Variants in PSD3 observed in about 807,000 individuals in gnomAD.
PSD3 encodes the protein pleckstrin and Sec7 domain containing 3, also known as PH and SEC7 domain-containing protein 3.
Under a neutral mutation model 105.5 loss-of-function variants are expected in PSD3, and 49 were observed. That is an observed-to-expected ratio of 0.46 (90% CI 0.37 to 0.59). PSD3 has a LOEUF of 0.59. Ranked by LOEUF, PSD3 falls within the 20% of genes least tolerant of loss-of-function variation. The pLI is 0.00. For synonymous variants in PSD3, 557 were observed against 457.8 expected (o/e 1.22, Z -2.77); for missense variants, 1,561 against 1,263.8 (o/e 1.24, Z -3.57).
At chr8:18,777,307 C>T (rs1427916979) in intron 8 of PSD3, among the ~76,000 whole-genome samples, 1 of 152,202 alleles carries the variant, frequency 6.6e-6, no homozygotes, top group East Asian at 1.9e-4. Flanking sequence ...TCCCAAAGTG[C>T]TGGGATTACA....
At chr8:18,698,008 T>A (rs575102606) in intron 9 of PSD3, among the ~76,000 whole-genome samples, 1 of 152,302 alleles carries the variant, frequency 6.6e-6, no homozygotes, top group South Asian at 2.1e-4. Context: ...GAATATTATA[T>A]GTCAAAAGAG....
At position 18,694,793 on chromosome 8, in the gene PSD3, G is replaced by A. The variant is rs577257650; in HGVS notation, c.2173-39108C>T. Reference sequence around the variant, plus strand: ...GAGCTCAGGAGCTCAAGACCAGCCTGGGCAACATAGTGAAACCCTATCTCC... The same window carrying A: ...GAGCTCAGGAGCTCAAGACCAGCCTAGGCAACATAGTGAAACCCTATCTCC... On this transcript the variant is annotated intron_variant, in intron 9 of 15. Coordinates refer to ENST00000327040, the MANE Select transcript of PSD3 (RefSeq NM_015310.4). Among the ~76,000 whole-genome samples the A allele has an allele frequency of 1.1e-4, 17 of 150,508 alleles. No individual in the cohort carries two copies. The East Asian group carries it at 3.3e-3, about 29-fold the overall frequency.
At chr8:18,630,606 A>G (rs973034463) in intron 11 of PSD3, among the ~76,000 whole-genome samples, 1 of 151,974 alleles carries the variant, frequency 6.6e-6, no homozygotes, top group Non-Finnish European at 1.5e-5. Context: ...AATACTCCGA[A>G]TAAGTGATAG....
chr8:18,672,869 T>G (rs1295953422), intron 9 of PSD3, among the ~76,000 whole-genome samples: 2 of 152,184 alleles, frequency 1.3e-5, no homozygotes, highest in Non-Finnish European at 2.9e-5. Flanking sequence ...TGGCATTTGT[T>G]AAACCCAAAG....
rs1445470179 is a variant in PSD3, at chr8:19,004,941, G to T, written c.21+8622C>A. Among the ~76,000 whole-genome samples, 4 of 152,028 alleles carry T rather than the reference G, an allele frequency of 2.6e-5. 1 individual carries two copies. The highest frequency in any genetic ancestry group is 5.9e-5 in the Non-Finnish European group (4 of 67,976). Reference sequence around the variant, plus strand: ...CCACCATGATTGTGAGGCCTCCCCAGCCATGTGGAACTGTAATTCCATTAA... The same window carrying T: ...CCACCATGATTGTGAGGCCTCCCCATCCATGTGGAACTGTAATTCCATTAA... On this transcript the variant is annotated intron_variant, in intron 1 of 15. Coordinates refer to ENST00000327040, the MANE Select transcript of PSD3 (RefSeq NM_015310.4).
chr8:18,771,417 A>G (rs1306812800), intron 8 of PSD3, among the ~76,000 whole-genome samples: 1 of 152,202 alleles, frequency 6.6e-6, no homozygotes, highest in Non-Finnish European at 1.5e-5. Context: ...TTTATATCTA[A>G]GAAATCATTG....
At chr8:18,599,855 C>T (rs574160679) in intron 12 of PSD3, among the ~76,000 whole-genome samples, 1 of 152,226 alleles carries the variant, frequency 6.6e-6, no homozygotes, top group South Asian at 2.1e-4. Context: ...TGACGGTATA[C>T]TATGTTTTCT....
chr8:18,990,435 T>C (rs77476233), intron 1 of PSD3, among the ~76,000 whole-genome samples: 6 of 152,334 alleles, frequency 3.9e-5, no homozygotes, highest in African/African-American at 1.4e-4. Context: ...ATGGCCATTG[T>C]GCTTGATATT....
chr8:18,797,671 T>C (rs1011635499), intron 8 of PSD3, among the ~76,000 whole-genome samples: 1 of 152,202 alleles, frequency 6.6e-6, no homozygotes, highest in African/African-American at 2.4e-5. Flanking sequence ...AAAGCTATAT[T>C]AGCTTTTTAA....
chr8:18,701,411 T>C (rs1189446294), intron 9 of PSD3, among the ~76,000 whole-genome samples: 4 of 152,232 alleles, frequency 2.6e-5, no homozygotes, highest in Non-Finnish European at 5.9e-5. Flanking sequence ...TAAACTCATA[T>C]ACAGTAACCT....
rs543666355 is a variant in PSD3 at position 18,676,325 on chromosome 8, C to T, written c.2173-20640G>A. On this transcript the variant is annotated intron_variant, in intron 9 of 15. Transcript: ENST00000327040. ...AATGGAGGGGAGCAAGAATGCAGTA[C>T]GACCTTGGGAGTTAGAGATGACACA... is the stretch of plus-strand genomic sequence containing the variant. 7.2e-5 allele frequency among the ~76,000 whole-genome samples: 11 copies of T among 152,254 alleles called. No individual in the cohort carries two copies. The South Asian group carries it at 1.0e-3, about 14-fold the overall frequency.
chr8:18,742,425 T>A (rs952927946), intron 9 of PSD3, among the ~76,000 whole-genome samples: 5 of 152,144 alleles, frequency 3.3e-5, no homozygotes, highest in Admixed American at 6.5e-5. Context: ...GACACAGGCA[T>A]CAAACCAAGC....
chr8:18,749,081 T>C (rs954015145), intron 9 of PSD3, among the ~76,000 whole-genome samples: 4 of 152,266 alleles, frequency 2.6e-5, no homozygotes, highest in Admixed American at 1.3e-4. Flanking sequence ...ATAATGATTC[T>C]GCATGCTACG....
intron 1 of PSD3, among the ~76,000 whole-genome samples, chr8:18,975,673 G>T (rs1182057506): frequency 1.3e-5 from 2 of 152,148 alleles, no homozygotes; most frequent in Non-Finnish European, 2.9e-5. Context: ...TGTTGGGAAG[G>T]TTCATTCCAC....
chr8:19,049,946 T>C (rs1038655328), intron 1 of PSD3, among the ~76,000 whole-genome samples: 1 of 152,140 alleles, frequency 6.6e-6, no homozygotes, highest in African/African-American at 2.4e-5. Flanking sequence ...AGGGAAGGAA[T>C]GGAGCAATTA....
At chr8:18,560,434 A>C (rs1252619810) in intron 14 of PSD3, among the ~76,000 whole-genome samples, 1 of 152,178 alleles carries the variant, frequency 6.6e-6, no homozygotes, top group African/African-American at 2.4e-5. Context: ...TTAGAAGACA[A>C]TACTAGCAAA....
chr8:19,044,202 G>C (rs1828234165), intron 1 of PSD3, among the ~76,000 whole-genome samples: 1 of 152,176 alleles, frequency 6.6e-6, no homozygotes. Flanking sequence ...CACTTTCATT[G>C]ATTGTTCTCT....
intron 10 of PSD3, among the ~76,000 whole-genome samples, chr8:18,644,689 C>A (rs1398331212): frequency 1.3e-5 from 2 of 152,172 alleles, no homozygotes; most frequent in South Asian, 4.1e-4. Context: ...CTTTTTCTAG[C>A]ATTCACTTCA....
At chr8:18,919,111 G>C (rs1334236134) in intron 2 of PSD3, among the ~76,000 whole-genome samples, 1 of 151,964 alleles carries the variant, frequency 6.6e-6, no homozygotes, top group Non-Finnish European at 1.5e-5. Context: ...CTGCAAATAT[G>C]CTCAGTTTCT....
Sources: allele counts gnomAD v4.1 joint callset (sites outside exome capture counted in the v4.1 genomes callset), GRCh38; gene constraint gnomAD v4.1.1; transcripts MANE v1.5; gene names NCBI Gene and HGNC (gene_info 2026-07-23, HGNC 2026-07-21).